Variants in PDZRN4 observed in about 807,000 individuals in gnomAD.
PDZRN4 encodes PDZ domain containing ring finger 4.
PDZRN4 carries 70 observed loss-of-function variants against 99.0 expected under a neutral mutation model. The ratio of observed to expected loss-of-function variants is 0.71; its 90% CI spans 0.58 to 0.86. PDZRN4 has a LOEUF of 0.86. Ranked by LOEUF, PDZRN4 falls within the 40% of genes least tolerant of loss-of-function variation. The pLI is 0.00. For missense variants in PDZRN4, 1,474 were observed against 1,331.2 expected (o/e 1.11, Z -1.67); for synonymous variants, 551 against 501.6 (o/e 1.10, Z -1.32).
At chr12:41,507,991 C>G (rs1159917932) in intron 4 of PDZRN4, among the ~76,000 whole-genome samples, 2 of 152,152 alleles carry the variant, frequency 1.3e-5, no homozygotes, top group Admixed American at 1.3e-4. Context: ...AGCCATCCAA[C>G]AAATACTTCC....
intron 5 of PDZRN4, among the ~76,000 whole-genome samples, chr12:41,535,944 A>G (rs1938741175): frequency 6.6e-6 from 1 of 152,180 alleles, no homozygotes; most frequent in African/African-American, 2.4e-5. Context: ...GACTAAGGCA[A>G]CACTTTTCTT....
chr12:41,503,450 G>T (rs1319830876), intron 3 of PDZRN4, among the ~76,000 whole-genome samples: 2 of 152,008 alleles, frequency 1.3e-5, no homozygotes, highest in Admixed American at 1.3e-4. Context: ...ACATATGAAC[G>T]CTAATATTGT....
At chr12:41,493,801 C>A (rs1592083462) in intron 3 of PDZRN4, among the ~76,000 whole-genome samples, 1 of 151,642 alleles carries the variant, frequency 6.6e-6, no homozygotes, top group East Asian at 2.0e-4. Flanking sequence ...TGTAAGGCAG[C>A]AACAGCTTTA....
intron 3 of PDZRN4, among the ~76,000 whole-genome samples, chr12:41,505,202 G>T (rs1035012207): frequency 6.6e-6 from 1 of 152,060 alleles, no homozygotes; most frequent in Non-Finnish European, 1.5e-5. Flanking sequence ...GGCACCCAGG[G>T]ATCTCTAAGG....
At chr12:41,497,729 A>G (rs1938034672) in intron 3 of PDZRN4, among the ~76,000 whole-genome samples, 1 of 152,166 alleles carries the variant, frequency 6.6e-6, no homozygotes, top group East Asian at 1.9e-4. Context: ...TTATTATGAC[A>G]AAGATAAAGT....
intron 3 of PDZRN4, among the ~76,000 whole-genome samples, chr12:41,234,538 AAGAC>A (rs1566381166): frequency 6.6e-6 from 1 of 152,144 alleles, no homozygotes; most frequent in Non-Finnish European, 1.5e-5. Flanking sequence ...TCTAACTAGA[AAGAC>A]AGACTGTTTA....
chr12:41,295,074 AT>A (rs1343988628), intron 3 of PDZRN4, among the ~76,000 whole-genome samples: 1 of 152,170 alleles, frequency 6.6e-6, no homozygotes, highest in Non-Finnish European at 1.5e-5. Flanking sequence ...ATCCTTTCAA[AT>A]TTTGAGAGGT....
At position 41,272,233 on chromosome 12, in the gene PDZRN4, G is replaced by A. The variant is rs139699987; in HGVS notation, c.843+78045G>A. ...AATTCATAAATAAATAACCTCTTCTGGTTTTAAAGCCAAAGTGCCAATGAT... is the reference window on the plus strand; with the variant it reads ...AATTCATAAATAAATAACCTCTTCTAGTTTTAAAGCCAAAGTGCCAATGAT... On this transcript the variant is annotated intron_variant, in intron 3 of 9. Coordinates refer to ENST00000402685, the MANE Select transcript of PDZRN4 (RefSeq NM_001164595.2). Among the ~76,000 whole-genome samples the A allele has an allele frequency of 9.6e-3, 1,456 of 151,934 alleles. 9 individuals carry two copies. The highest frequency in any genetic ancestry group is 0.015 in the Non-Finnish European group (1,012 of 67,884).
intron 3 of PDZRN4, among the ~76,000 whole-genome samples, chr12:41,367,610 T>C (rs1952011036): frequency 6.6e-6 from 1 of 152,124 alleles, no homozygotes; most frequent in Admixed American, 6.6e-5. Flanking sequence ...TCTTTCTTTC[T>C]ATTGGTCCTT....
intron 3 of PDZRN4, among the ~76,000 whole-genome samples, chr12:41,491,864 G>A (rs1937892473): frequency 6.6e-6 from 1 of 152,094 alleles, no homozygotes; most frequent in Non-Finnish European, 1.5e-5. Context: ...TTGCCTCTGT[G>A]TTTTATTCTA....
At chr12:41,541,575 T>A (rs1938857244) in intron 5 of PDZRN4, among the ~76,000 whole-genome samples, 1 of 151,030 alleles carries the variant, frequency 6.6e-6, no homozygotes, top group Admixed American at 6.6e-5. Context: ...AGCCTCAGCC[T>A]CCCGAGTAGC....
intron 3 of PDZRN4, among the ~76,000 whole-genome samples, chr12:41,456,345 G>GTTT (rs66821022): frequency 3.7e-4 from 56 of 151,526 alleles, no homozygotes; most frequent in South Asian, 8.3e-4. Context: ...AGAATGAATG[G>GTTT]TTGTTTATTC....
intron 3 of PDZRN4, among the ~76,000 whole-genome samples, chr12:41,354,367 A>C (rs922361672): frequency 1.3e-5 from 2 of 152,030 alleles, no homozygotes; most frequent in African/African-American, 4.8e-5. Flanking sequence ...TATTTGCATC[A>C]GAGGGAAGGA....
chr12:41,530,564 A>G (rs1938643572), intron 5 of PDZRN4, among the ~76,000 whole-genome samples: 1 of 152,190 alleles, frequency 6.6e-6, no homozygotes, highest in Admixed American at 6.5e-5. Flanking sequence ...TAATATTACA[A>G]TGTGCTGTGA....
intron 3 of PDZRN4, among the ~76,000 whole-genome samples, chr12:41,201,167 TA>T (rs5797714): frequency 4.1e-5 from 6 of 147,008 alleles, no homozygotes; most frequent in African/African-American, 7.4e-5. Flanking sequence ...TTTGTGCAAT[TA>T]AAAAAAAAAA....
At chr12:41,412,141 G>T (rs1020351364) in intron 3 of PDZRN4, 5 of 152,102 alleles carry the variant, frequency 3.3e-5, no homozygotes, top group African/African-American at 1.2e-4. Flanking sequence ...CACCTATCTG[G>T]ATATATGTTA....
intron 3 of PDZRN4, among the ~76,000 whole-genome samples, chr12:41,267,962 T>C (rs575746348): frequency 3.9e-5 from 6 of 152,352 alleles, no homozygotes; most frequent in Admixed American, 2.0e-4. Flanking sequence ...AGGCTGCCAT[T>C]GCTTCCATGG....
At chr12:41,516,664 C>T (rs1001605667) in intron 5 of PDZRN4, among the ~76,000 whole-genome samples, 1 of 151,900 alleles carries the variant, frequency 6.6e-6, no homozygotes, top group African/African-American at 2.4e-5. Flanking sequence ...GATAGACATG[C>T]TAATTTATGT....
chr12:41,288,603 C>T (rs1951436638), intron 3 of PDZRN4, among the ~76,000 whole-genome samples: 1 of 151,500 alleles, frequency 6.6e-6, no homozygotes, highest in African/African-American at 2.4e-5. Flanking sequence ...GAAATGGCTT[C>T]ACCCTGACTC....
Sources: gnomAD v4.1 joint callset for allele counts (sites outside exome capture counted in the v4.1 genomes callset) on GRCh38, gnomAD v4.1.1 for gene constraint, MANE v1.5 for transcripts, NCBI Gene and HGNC (gene_info 2026-07-23, HGNC 2026-07-21) for gene names.